The following GNB1 variants were observed in gnomAD, a reference collection of about 807,000 sequenced individuals.
The protein encoded by GNB1 is guanine nucleotide-binding protein G(I)/G(S)/G(T) subunit beta-1.
In GNB1, 2 loss-of-function variants were observed where a neutral mutation model predicts 42.9. That is an observed-to-expected ratio of 0.05 (90% confidence interval 0.02 to 0.15). GNB1 has a LOEUF of 0.15. Ranked by LOEUF, GNB1 falls within the 10% of genes least tolerant of loss-of-function variation. GNB1 has a pLI of 1.00. For missense variants in GNB1, 193 were observed against 462.2 expected (o/e 0.42, Z 5.34); for synonymous variants, 183 against 174.7 (o/e 1.05, Z -0.38).
intron 5 of GNB1, among the ~76,000 whole-genome samples, chr1:1,814,492 A>G (rs573868960): frequency 1.2e-3 from 181 of 152,302 alleles, no homozygotes; most frequent in Non-Finnish European, 2.3e-3. Context: ...AGAAAGGGGT[A>G]TAATTTAAAG....
chr1:1,867,402 G>A (rs997187738), intron 1 of GNB1, among the ~76,000 whole-genome samples: 4 of 152,172 alleles, frequency 2.6e-5, no homozygotes, highest in Non-Finnish European at 4.4e-5. Context: ...ACTGTCAGAG[G>A]ATATACCAGG....
At chr1:1,818,766 G>A (rs1646891331) in intron 3 of GNB1, among the ~76,000 whole-genome samples, 1 of 152,122 alleles carries the variant, frequency 6.6e-6, no homozygotes, top group African/African-American at 2.4e-5. Flanking sequence ...AGGAGGCTGA[G>A]GCAGGAGAAT....
At chr1:1,794,358 A>G (rs1355001598) in intron 7 of GNB1, among the ~76,000 whole-genome samples, 2 of 152,168 alleles carry the variant, frequency 1.3e-5, no homozygotes, top group Admixed American at 1.3e-4. Flanking sequence ...GTTGACCATT[A>G]TTTCTTTTGT....
chr1:1,827,170 C>A (rs977001597), intron 2 of GNB1, among the ~76,000 whole-genome samples: 1 of 152,216 alleles, frequency 6.6e-6, no homozygotes, highest in Non-Finnish European at 1.5e-5. Context: ...AGAAGCTCAG[C>A]CGTCAGTTTC....
At chr1:1,825,681 G>A (rs989023598) in intron 2 of GNB1, 182 bp from the exon 3 acceptor site, 6 of 388,818 alleles carry the variant, frequency 1.5e-5, no homozygotes, top group East Asian at 1.0e-4. Flanking sequence ...TGGCTAACAC[G>A]GTCAAACCCC....
At chr1:1,861,191 T>C (rs1285519590) in intron 1 of GNB1, among the ~76,000 whole-genome samples, 1 of 151,062 alleles carries the variant, frequency 6.6e-6, no homozygotes, top group African/African-American at 2.4e-5. Context: ...GCACAGTGGC[T>C]CATGCCCATA....
chr1:1,852,707 G>A lies in GNB1; in HGVS notation c.-95-13469C>T, dbSNP rs369549624. ...TTAAGAAAAAAAAAAAAAAGTGAAT[G>A]TCTTGTGTGCCTTGCTATGCACACA... On this transcript the variant is annotated intron_variant, in intron 1 of 11. Transcript: ENST00000378609. 2.6e-4 allele frequency among the ~76,000 whole-genome samples: 39 copies of A among 151,432 alleles called. No individual in the cohort carries two copies. The East Asian group carries it at 6.8e-3, about 26-fold the overall frequency.
At chr1:1,812,585 C>T (rs1479807930) in intron 5 of GNB1, among the ~76,000 whole-genome samples, 7 of 152,152 alleles carry the variant, frequency 4.6e-5, no homozygotes, top group Non-Finnish European at 8.8e-5. Context: ...TGCAATTATA[C>T]AACAAATGCC....
At chr1:1,851,765 C>T (rs1288696480) in intron 1 of GNB1, among the ~76,000 whole-genome samples, 4 of 152,016 alleles carry the variant, frequency 2.6e-5, no homozygotes, top group African/African-American at 7.2e-5. Flanking sequence ...GGCATTCGGC[C>T]GGGCACAGCG....
intron 4 of GNB1, among the ~76,000 whole-genome samples, chr1:1,817,186 G>C (rs1570662488): frequency 6.6e-6 from 1 of 152,196 alleles, no homozygotes; most frequent in East Asian, 1.9e-4. Flanking sequence ...CATATAAATA[G>C]AACTAAACAA....
chr1:1,830,584 G>T (rs536544158), intron 2 of GNB1, among the ~76,000 whole-genome samples: 3 of 151,920 alleles, frequency 2.0e-5, no homozygotes, highest in African/African-American at 7.2e-5. Flanking sequence ...TTTCTGTGAG[G>T]GTCTCACACT....
intron 1 of GNB1, among the ~76,000 whole-genome samples, chr1:1,858,569 C>T (rs960983358): frequency 1.3e-5 from 2 of 152,162 alleles, no homozygotes; most frequent in Non-Finnish European, 2.9e-5. Context: ...GGGTCCCCTT[C>T]TCATGGGAAC....
At chr1:1,885,744 G>A (rs1650117074) in intron 1 of GNB1, among the ~76,000 whole-genome samples, 1 of 150,522 alleles carries the variant, frequency 6.6e-6, no homozygotes, top group South Asian at 2.1e-4. Flanking sequence ...ATTTTTAGTA[G>A]CAATGGGGTT....
intron 1 of GNB1, among the ~76,000 whole-genome samples, chr1:1,868,711 C>T (rs537953175): frequency 7.3e-5 from 11 of 151,680 alleles, no homozygotes; most frequent in Middle Eastern, 3.4e-3. Flanking sequence ...ACCCAGGAGG[C>T]GGAGGTTGCA....
intron 1 of GNB1, among the ~76,000 whole-genome samples, chr1:1,858,056 A>G (rs939404389): frequency 6.6e-6 from 1 of 152,210 alleles, no homozygotes; most frequent in African/African-American, 2.4e-5. Context: ...AGCAGCACAC[A>G]TGGATCCATA....
intron 3 of GNB1, among the ~76,000 whole-genome samples, chr1:1,823,375 T>A (rs1646958362): frequency 6.6e-6 from 1 of 152,074 alleles, no homozygotes; most frequent in Admixed American, 6.6e-5. Flanking sequence ...ATAACAACAC[T>A]TTGCTTTTCT....
chr1:1,844,785 A>G (rs904960038), intron 1 of GNB1, among the ~76,000 whole-genome samples: 2 of 152,200 alleles, frequency 1.3e-5, no homozygotes, highest in East Asian at 1.9e-4. Context: ...TGTTTACTAC[A>G]AACTTTGGGG....
At chr1:1,870,828 C>G (rs1482441385) in intron 1 of GNB1, among the ~76,000 whole-genome samples, 1 of 152,148 alleles carries the variant, frequency 6.6e-6, no homozygotes, top group Non-Finnish European at 1.5e-5. Flanking sequence ...ATCCCAGCTA[C>G]TCGGGAGGCT....
chr1:1,808,625 GTTTTTTGTTTGTTTGTTTTTGT>G (rs960103127), intron 5 of GNB1, among the ~76,000 whole-genome samples: 1 of 146,506 alleles, frequency 6.8e-6, no homozygotes, highest in African/African-American at 2.6e-5. Context: ...CAAACGCAAG[GTTTTTTGTTTGTTTGTTTTTGT>G]TTGTTTGTTT....
Sources: allele counts gnomAD v4.1 joint callset (sites outside exome capture counted in the v4.1 genomes callset), GRCh38; gene constraint gnomAD v4.1.1; transcripts MANE v1.5; gene names NCBI Gene and HGNC (gene_info 2026-07-23, HGNC 2026-07-21).